ANO6: variants seen among roughly 807,000 people sequenced by gnomAD.
The protein encoded by ANO6 is anoctamin-6.
Under a neutral mutation model 117.5 loss-of-function variants are expected in ANO6, and 106 were observed. That is an observed-to-expected ratio of 0.90 (90% CI 0.77 to 1.06). The LOEUF is 1.06. Among genes scored for constraint, ANO6 ranks in the 50% least tolerant of loss-of-function variants. ANO6 has a pLI of 0.00. For missense variants in ANO6, 955 were observed against 1,121.1 expected, an observed-to-expected ratio of 0.85 and a Z score of 2.12; for synonymous variants, 367 against 385.1, an observed-to-expected ratio of 0.95 and a Z score of 0.55.
At chr12:45,270,381 G>A in intron 1 of ANO6, 2 of 1,415,518 alleles carry the variant, frequency 1.4e-6, no homozygotes, top group South Asian at 1.6e-5. Flanking sequence ...CAGGTCTGAT[G>A]CCGCCTCCTG....
rs1390230800 is a variant in ANO6, at chr12:45,429,116, C to T, written c.2538C>T (p.Tyr846=). ...CTTCTCTTCCCCAGCACGTCATCTACTCTGTGAAATTTTTCATTTCATATG... is the reference window on the plus strand; with the variant it reads ...CTTCTCTTCCCCAGCACGTCATCTATTCTGTGAAATTTTTCATTTCATATG... ...AFIIVMEHVI[Y]SVKFFISYAI... The change falls in exon 20 of 20, where the codon TAC becomes TAT. Residue 846 remains tyrosine, a synonymous_variant. Coordinates refer to ENST00000320560, the MANE Select transcript of ANO6 (RefSeq NM_001025356.3). 6.2e-7 allele frequency: 1 copy of T among 1,613,570 alleles called. No individual in the cohort carries two copies. The highest frequency in any genetic ancestry group is 1.1e-5 in the South Asian group (1 of 91,060).
intron 5 of ANO6, 22 bp from the exon 6 acceptor site, chr12:45,348,496 C>T: frequency 6.3e-7 from 1 of 1,592,016 alleles, no homozygotes; most frequent in Non-Finnish European, 8.6e-7. Context: ...AAACCGCATA[C>T]TCTATTTTGG....
intron 9 of ANO6, among the ~76,000 whole-genome samples, chr12:45,372,755 T>A (rs1304744158): frequency 6.6e-6 from 1 of 151,998 alleles, no homozygotes; most frequent in Non-Finnish European, 1.5e-5. Flanking sequence ...CGCTGCAAAA[T>A]CATGCCAAAA....
Position 45,409,386 on chromosome 12 carries a change from A to G in ANO6, c.1910A>G (p.His637Arg). 11 of 1,614,052 alleles carry G rather than the reference A, an allele frequency of 6.8e-6. No homozygotes were observed. The highest frequency in any genetic ancestry group is 9.3e-6 in the Non-Finnish European group (11 of 1,179,944). ...PWIMNLIGRFHRVSGSEKITP... is the reference protein window; with the variant it reads ...PWIMNLIGRFRRVSGSEKITP... The stretch of plus-strand genomic sequence containing the variant: ...ATCATGAATCTAATTGGGCGATTTC[A>G]CAGAGTTTCTGGATCAGAAAAGATA... The change falls in exon 16 of 20, where the codon CAC becomes CGC. Residue 637 changes from histidine to arginine, a missense_variant. Physicochemically the swap from His to Arg is conservative, Grantham distance 29 (BLOSUM62 0). Coordinates refer to ENST00000320560, the MANE Select transcript of ANO6 (RefSeq NM_001025356.3).
chr12:45,297,173 G>A (rs1321751926), intron 1 of ANO6, among the ~76,000 whole-genome samples: 1 of 151,988 alleles, frequency 6.6e-6, no homozygotes, highest in East Asian at 1.9e-4. Flanking sequence ...ACTTTTACTT[G>A]CTCTCTCTCT....
intron 10 of ANO6, among the ~76,000 whole-genome samples, chr12:45,378,605 C>T (rs1408649954): frequency 6.6e-6 from 1 of 152,174 alleles, no homozygotes; most frequent in East Asian, 1.9e-4. Context: ...ATTGTTGCAC[C>T]AAGTTAGCTA....
chr12:45,300,090 A>G (rs1201367230), intron 1 of ANO6, among the ~76,000 whole-genome samples: 1 of 152,186 alleles, frequency 6.6e-6, no homozygotes, highest in African/African-American at 2.4e-5. Context: ...TCTTCTATAA[A>G]AGCTTTTAAT....
At chr12:45,331,686 TA>T (rs1940671656) in intron 3 of ANO6, among the ~76,000 whole-genome samples, 1 of 152,142 alleles carries the variant, frequency 6.6e-6, no homozygotes, top group African/African-American at 2.4e-5. Flanking sequence ...CTTTCTATTG[TA>T]CAGAAGAGAT....
intron 1 of ANO6, among the ~76,000 whole-genome samples, chr12:45,229,937 A>C (rs1380086073): frequency 6.8e-6 from 1 of 146,698 alleles, no homozygotes; most frequent in Non-Finnish European, 1.5e-5. Flanking sequence ...GTATCAAATG[A>C]AGAATGCCAT....
At chr12:45,347,115 G>A (rs761041327) in intron 4 of ANO6, 28 bp downstream of exon 4, 10 of 1,611,370 alleles carry the variant, frequency 6.2e-6, no homozygotes, top group African/African-American at 2.7e-5. Flanking sequence ...TTCAGCCCTC[G>A]GCTGACCACT....
At chr12:45,216,441 G>A in intron 1 of ANO6, 50 bp downstream of exon 1, 2 of 1,591,258 alleles carry the variant, frequency 1.3e-6, no homozygotes, top group South Asian at 1.1e-5. Context: ...GCCGACGCGG[G>A]AAGAAGTTCG....
chr12:45,352,043 G>A (rs994025840), intron 7 of ANO6, among the ~76,000 whole-genome samples: 8 of 151,998 alleles, frequency 5.3e-5, no homozygotes, highest in Non-Finnish European at 7.4e-5. Context: ...GGAGAGTGAC[G>A]AGGAGAGGAG....
chr12:45,399,987 T>G (rs1942740866), intron 12 of ANO6, among the ~76,000 whole-genome samples: 1 of 152,250 alleles, frequency 6.6e-6, no homozygotes, highest in South Asian at 2.1e-4. Flanking sequence ...TTAACAAGTT[T>G]GTAAAAGCTC....
At chr12:45,341,782 C>T (rs1341820123) in intron 3 of ANO6, among the ~76,000 whole-genome samples, 2 of 151,964 alleles carry the variant, frequency 1.3e-5, no homozygotes, top group Non-Finnish European at 2.9e-5. Flanking sequence ...GTGGGGTTGC[C>T]TGTTTTGTCA....
At chr12:45,260,513 G>A (rs552048916) in intron 1 of ANO6, among the ~76,000 whole-genome samples, 5 of 152,164 alleles carry the variant, frequency 3.3e-5, no homozygotes, top group East Asian at 1.9e-4. Flanking sequence ...GTCACACTTG[G>A]ATTTGTTTCA....
intron 2 of ANO6, among the ~76,000 whole-genome samples, chr12:45,314,116 G>C (rs1461540360): frequency 6.6e-6 from 1 of 151,960 alleles, no homozygotes; most frequent in Non-Finnish European, 1.5e-5. Flanking sequence ...GTTCTGTTAG[G>C]CACTTAGGAA....
chr12:45,276,965 G>A (rs1018055063), intron 1 of ANO6, among the ~76,000 whole-genome samples: 5 of 152,116 alleles, frequency 3.3e-5, no homozygotes, highest in South Asian at 2.1e-4. Context: ...TTTTCTGTTC[G>A]CTGTTCCCCA....
intron 2 of ANO6, among the ~76,000 whole-genome samples, chr12:45,325,678 C>A (rs1940435521): frequency 6.6e-6 from 1 of 151,942 alleles, no homozygotes; most frequent in Admixed American, 6.6e-5. Context: ...TTTTTCTTTT[C>A]ATTTATTGAC....
intron 17 of ANO6, among the ~76,000 whole-genome samples, chr12:45,418,984 C>G (rs1168788600): frequency 6.6e-6 from 1 of 152,174 alleles, no homozygotes; most frequent in Non-Finnish European, 1.5e-5. Context: ...CTTATTCCCT[C>G]AAACACCCAG....
Sources: allele counts gnomAD v4.1 joint callset (sites outside exome capture counted in the v4.1 genomes callset), GRCh38; gene constraint gnomAD v4.1.1; transcripts MANE v1.5; gene names NCBI Gene and HGNC (gene_info 2026-07-23, HGNC 2026-07-21).